Variants in VWF observed in about 807,000 individuals in gnomAD.
VWF encodes von Willebrand factor.
VWF carries 176 observed loss-of-function variants against 308.6 expected under a neutral mutation model. The ratio of observed to expected loss-of-function variants is 0.57; its 90% CI spans 0.50 to 0.65. The LOEUF is 0.65. VWF is among the 30% of genes least tolerant of loss of function. The pLI, the probability that VWF is intolerant of heterozygous loss-of-function variation, is 0.00. For missense variants in VWF, 3,146 were observed against 3,648.2 expected (o/e 0.86, Z 3.55); for synonymous variants, 1,385 against 1,443.4 (o/e 0.96, Z 0.92).
Position 6,063,981 on chromosome 12 carries a change from CT to C in VWF, c.1432+264del, listed in dbSNP as rs1485423360. 2.0e-5 allele frequency among the ~76,000 whole-genome samples: 3 copies of C among 152,192 alleles called. No individual in the cohort carries two copies. Among genetic ancestry groups the C allele is most frequent in the Non-Finnish European group, 2.9e-5 (2 of 68,028 alleles). On this transcript the variant is annotated intron_variant, in intron 12 of 51. Coordinates refer to ENST00000261405, the MANE Select transcript of VWF (RefSeq NM_000552.5). This position sits in a 1 kb window ranked among gnomAD's most constrained non-coding sequence, Gnocchi z 4.9. ...GCCAAATAAAAATCCTCTCGGTTCC[CT>C]TTTCCCATCTACACTCTGTCCCAGG...
At position 5,962,006 on chromosome 12, in the gene VWF, T is replaced by G. The variant is rs554164540; in HGVS notation, c.7887+5480A>C. ...AGGGAATGCCCTAGTGCCTTTTGCC[T>G]TTCCACCTTCTGCCACATGTGGATG... On this transcript the variant is annotated intron_variant, in intron 47 of 51. Transcript: ENST00000261405. Among the ~76,000 whole-genome samples, 12 of 152,048 alleles carry G rather than the reference T, an allele frequency of 7.9e-5. No homozygotes were observed. The Middle Eastern group carries it at 0.01, about 131-fold the overall frequency.
At chr12:5,971,319 A>G (rs2136358196) in intron 44 of VWF, among the ~76,000 whole-genome samples, 1 of 152,354 alleles carries the variant, frequency 6.6e-6, no homozygotes, top group South Asian at 2.1e-4. Flanking sequence ...CCAGCCCCTC[A>G]GCCACAGCAC....
At chr12:6,113,271 A>G (rs1016084450) in intron 3 of VWF, among the ~76,000 whole-genome samples, 8 of 151,380 alleles carry the variant, frequency 5.3e-5, no homozygotes, top group Non-Finnish European at 7.4e-5. Context: ...AAAAGAAACA[A>G]CTGGAAAAGT....
At chr12:6,054,207 G>A (rs750654490) in intron 15 of VWF, among the ~76,000 whole-genome samples, 6 of 152,178 alleles carry the variant, frequency 3.9e-5, no homozygotes, top group Non-Finnish European at 7.3e-5. Context: ...GCAGCCTCCC[G>A]CTCCTACAAC....
intron 3 of VWF, among the ~76,000 whole-genome samples, chr12:6,116,201 T>C (rs1945364378): frequency 6.6e-6 from 1 of 152,182 alleles, no homozygotes; most frequent in Non-Finnish European, 1.5e-5. Flanking sequence ...AAAGAGAGGC[T>C]GGCTGTCACC....
chr12:6,044,496 T>C (rs779248007), intron 17 of VWF, 45 bp from the exon 18 acceptor site: 1 of 1,596,204 alleles, frequency 6.3e-7, no homozygotes, highest in Non-Finnish European at 8.5e-7. Context: ...AAGGAGAGAA[T>C]GGACCTACCT....
chr12:6,035,437 C>T (rs867030460), intron 19 of VWF, among the ~76,000 whole-genome samples: 1 of 152,238 alleles, frequency 6.6e-6, no homozygotes, highest in Non-Finnish European at 1.5e-5. Flanking sequence ...AAGAAGCCCA[C>T]TTGTGCGTCA....
chr12:6,015,064 T>C (rs1944041105), intron 31 of VWF, among the ~76,000 whole-genome samples: 1 of 152,232 alleles, frequency 6.6e-6, no homozygotes, highest in South Asian at 2.1e-4. Context: ...TATTAGCAGC[T>C]TTTCAGCTCT....
intron 18 of VWF, among the ~76,000 whole-genome samples, chr12:6,038,452 C>T (rs1329597968): frequency 2.0e-5 from 3 of 152,228 alleles, no homozygotes; most frequent in South Asian, 4.1e-4. Context: ...GGGCTGGGGG[C>T]TCCCAGGCCT....
At chr12:5,964,242 A>ACATGCATG (rs1181148257) in intron 47 of VWF, among the ~76,000 whole-genome samples, 3 of 136,964 alleles carry the variant, frequency 2.2e-5, no homozygotes, top group Non-Finnish European at 3.0e-5. Flanking sequence ...ATACATACAT[A>ACATGCATG]CATACATGCA....
At chr12:5,989,161 C>T (rs1943710714) in intron 38 of VWF, among the ~76,000 whole-genome samples, 1 of 152,236 alleles carries the variant, frequency 6.6e-6, no homozygotes, top group African/African-American at 2.4e-5. Flanking sequence ...AGCAGCTCCA[C>T]TGAGCCAGGG....
chr12:6,084,399 C>A (rs756621175), intron 6 of VWF, among the ~76,000 whole-genome samples: 15 of 152,180 alleles, frequency 9.9e-5, no homozygotes, highest in Non-Finnish European at 1.9e-4. Flanking sequence ...AGAGCAGCTG[C>A]CCCAGCCCAT....
At position 6,063,003 on chromosome 12, in the gene VWF, C is replaced by G; in HGVS notation, c.1484G>C (p.Gly495Ala). ...TVTASVRLSY[G>A]EDLQMDWDGR... ...ATCCCAGTCCATCTGCAGGTCCTCC[C>G]CGTAGCTGAGGCGCACGGAGGCCGT... is the stretch of plus-strand genomic sequence containing the variant. The change falls in exon 13 of 52, where the codon GGG becomes GCG. Residue 495 changes from glycine to alanine, a missense_variant. Transcript: ENST00000261405. The surrounding 1 kb of genome is among the most constrained non-coding windows in gnomAD (Gnocchi z 4.9). The G allele has an allele frequency of 6.2e-7, 1 of 1,613,622 alleles. No individual in the cohort carries two copies. Among genetic ancestry groups the G allele is most frequent in the Non-Finnish European group, 8.5e-7 (1 of 1,180,032 alleles).
chr12:6,021,799 C>T, intron 27 of VWF, 101 bp downstream of exon 27: 17 of 1,368,374 alleles, frequency 1.2e-5, no homozygotes, highest in Non-Finnish European at 1.7e-5. Flanking sequence ...AGTCTCTCAA[C>T]TCATGTGGCT....
At chr12:6,030,220 C>T (rs888967672) in intron 21 of VWF, among the ~76,000 whole-genome samples, 8 of 152,226 alleles carry the variant, frequency 5.3e-5, no homozygotes, top group African/African-American at 1.9e-4. Flanking sequence ...GAGCTAATCA[C>T]ATGTGCAAAT....
At chr12:6,106,875 CAAAAAA>C (rs201177758) in intron 5 of VWF, among the ~76,000 whole-genome samples, 1 of 34,812 alleles carries the variant, frequency 2.9e-5, no homozygotes, top group African/African-American at 9.9e-5. Flanking sequence ...AACTCCGACT[CAAAAAA>C]AAAAAAAAAA....
intron 34 of VWF, among the ~76,000 whole-genome samples, chr12:6,001,241 A>G (rs1356378322): frequency 6.6e-6 from 1 of 152,248 alleles, no homozygotes; most frequent in Non-Finnish European, 1.5e-5. Context: ...TTTATAAATG[A>G]AAAATATATA....
chr12:6,033,006 G>A (rs993429344), intron 20 of VWF, among the ~76,000 whole-genome samples: 6 of 135,730 alleles, frequency 4.4e-5, no homozygotes, highest in Non-Finnish European at 7.7e-5. Flanking sequence ...CCACACACAC[G>A]CACATGCATA....
intron 47 of VWF, among the ~76,000 whole-genome samples, chr12:5,959,335 T>G (rs1377188430): frequency 6.6e-6 from 1 of 152,090 alleles, no homozygotes; most frequent in Non-Finnish European, 1.5e-5. Context: ...CAAAAATGGA[T>G]AGAACTAAAG....
Sources: gnomAD v4.1 joint callset for allele counts (sites outside exome capture counted in the v4.1 genomes callset) on GRCh38, gnomAD v4.1.1 for gene constraint, Gnocchi (gnomAD v3.1) non-coding constraint, MANE v1.5 for transcripts, NCBI Gene and HGNC (gene_info 2026-07-23, HGNC 2026-07-21) for gene names.